Variants in HIVEP3 observed in about 807,000 individuals in gnomAD.
HIVEP3 encodes the protein HIVEP zinc finger 3.
Under a neutral mutation model 152.8 loss-of-function variants are expected in HIVEP3, and 49 were observed. The ratio of observed to expected loss-of-function variants is 0.32; its 90% CI spans 0.26 to 0.41. The LOEUF (loss-of-function observed/expected upper bound fraction) is 0.41. Ranked by LOEUF, HIVEP3 falls within the 10% of genes least tolerant of loss-of-function variation. The pLI is 1.00. For missense variants in HIVEP3, 2,790 were observed against 3,103.3 expected, an observed-to-expected ratio of 0.90 and a Z score of 2.40; for synonymous variants, 1,269 against 1,289.0, an observed-to-expected ratio of 0.98 and a Z score of 0.33.
chr1:41,545,043 A>G lies in HIVEP3; in HGVS notation c.5208-20133T>C, dbSNP rs879106922. On this transcript the variant is annotated intron_variant, in intron 5 of 8. Transcript: ENST00000372583. The stretch of plus-strand genomic sequence containing the variant: ...TACCACCACCACCACCACCAATACC[A>G]CTACCACCACCATCACTACCACCAC... 9.5e-4 allele frequency among the ~76,000 whole-genome samples: 84 copies of G among 88,396 alleles called. 3 individuals carry two copies. Among genetic ancestry groups the G allele is most frequent in the Non-Finnish European group, 1.6e-3 (58 of 35,362 alleles). The allele number at this position is 88,396 out of a possible 152,430, so 58.0% of individuals were successfully genotyped here.
At chr1:41,818,378 G>A (rs975503716) in intron 1 of HIVEP3, among the ~76,000 whole-genome samples, 1 of 152,154 alleles carries the variant, frequency 6.6e-6, no homozygotes, top group Non-Finnish European at 1.5e-5. Flanking sequence ...GGATTCAGCC[G>A]TTCTGGAAAA....
At chr1:41,725,023 T>C (rs957589507) in intron 1 of HIVEP3, among the ~76,000 whole-genome samples, 5 of 152,234 alleles carry the variant, frequency 3.3e-5, no homozygotes, top group Non-Finnish European at 5.9e-5. Flanking sequence ...ACCAGCTGTT[T>C]GTTTTCCTAC....
chr1:41,689,660 C>A (rs1216421914), intron 2 of HIVEP3, among the ~76,000 whole-genome samples: 1 of 152,332 alleles, frequency 6.6e-6, no homozygotes, highest in East Asian at 1.9e-4. Context: ...TATGTGTGGG[C>A]ATCTGAGTAG....
At chr1:41,693,306 A>G (rs939128909) in intron 2 of HIVEP3, among the ~76,000 whole-genome samples, 1 of 152,222 alleles carries the variant, frequency 6.6e-6, no homozygotes, top group African/African-American at 2.4e-5. Flanking sequence ...CCCACTAAAC[A>G]GTGCTCCAGT....
chr1:41,563,384 G>C (rs1343399900), intron 5 of HIVEP3, among the ~76,000 whole-genome samples: 1 of 151,818 alleles, frequency 6.6e-6, no homozygotes, highest in Non-Finnish European at 1.5e-5. Flanking sequence ...AAAAAATAGT[G>C]GGGAGGAAGT....
At chr1:41,556,042 A>G (rs1270771791) in intron 5 of HIVEP3, among the ~76,000 whole-genome samples, 1 of 152,212 alleles carries the variant, frequency 6.6e-6, no homozygotes, top group Non-Finnish European at 1.5e-5. Flanking sequence ...CCATCAGTGG[A>G]CACTGGGGTT....
intron 6 of HIVEP3, among the ~76,000 whole-genome samples, chr1:41,523,291 GGGGTGGGTGGGGAGTCCTGGGC>G (rs970732600): frequency 1.3e-5 from 2 of 152,228 alleles, no homozygotes; most frequent in African/African-American, 4.8e-5. Flanking sequence ...AAGCACCCAT[GGGGTGGGTGGGGAGTCCTGGGC>G]CAATGTGCCC....
Position 41,513,051 on chromosome 1 carries a change from C to T in HIVEP3, c.6170G>A (p.Gly2057Asp). ...PRAHVLSKLE[G>D]TTDPGLPRYS... ...TCTGGGGAGGCCTGGGTCGGTGGTACCCTCGAGTTTGGAGAGCACATGTGC... is the reference window on the plus strand; with the variant it reads ...TCTGGGGAGGCCTGGGTCGGTGGTATCCTCGAGTTTGGAGAGCACATGTGC... The change falls in exon 8 of 9, where the codon GGT (glycine) becomes GAT (aspartate). Residue 2057 changes from glycine to aspartate, a missense_variant. Around this residue, in one of 9 missense-constraint regions of HIVEP3, gnomAD observed 816 missense variants for 806.5 expected, o/e 1.01. Coordinates refer to ENST00000372583, the MANE Select transcript of HIVEP3 (RefSeq NM_024503.5). 1 of 1,613,824 alleles carries T rather than the reference C, an allele frequency of 6.2e-7. No individual in the cohort carries two copies. The highest frequency in any genetic ancestry group is 8.5e-7 in the Non-Finnish European group (1 of 1,179,978).
intron 1 of HIVEP3, among the ~76,000 whole-genome samples, chr1:41,728,486 G>C (rs1401504298): frequency 6.6e-6 from 1 of 152,102 alleles, no homozygotes; most frequent in Non-Finnish European, 1.5e-5. Flanking sequence ...GGGAGTAAGG[G>C]GGGGTGAAAT....
intron 1 of HIVEP3, among the ~76,000 whole-genome samples, chr1:41,966,012 C>G (rs1017282058): frequency 1.3e-5 from 2 of 152,134 alleles, no homozygotes; most frequent in East Asian, 3.9e-4. Context: ...GGAAGCCCAT[C>G]AGACTAACAG....
intron 1 of HIVEP3, among the ~76,000 whole-genome samples, chr1:41,900,611 C>G (rs1644604799): frequency 6.6e-6 from 1 of 152,120 alleles, no homozygotes; most frequent in African/African-American, 2.4e-5. Context: ...AGATCTCTTC[C>G]AAATTTCCCA....
At chr1:41,903,262 T>C (rs1289291549) in intron 1 of HIVEP3, among the ~76,000 whole-genome samples, 1 of 152,168 alleles carries the variant, frequency 6.6e-6, no homozygotes, top group Non-Finnish European at 1.5e-5. Context: ...AACAGATCTA[T>C]GGAGGTCACA....
At chr1:41,514,570 C>T (rs772645410) in intron 7 of HIVEP3, among the ~76,000 whole-genome samples, 16 of 152,220 alleles carry the variant, frequency 1.1e-4, no homozygotes, top group South Asian at 2.1e-4. Context: ...ATCCCAGCCA[C>T]GCTCTTATCT....
chr1:41,994,901 G>GA (rs1457629812), intron 1 of HIVEP3, among the ~76,000 whole-genome samples: 6 of 149,318 alleles, frequency 4.0e-5, no homozygotes, highest in East Asian at 2.0e-4. Context: ...GAAACTAAAA[G>GA]AAAAAAAAGG....
intron 1 of HIVEP3, among the ~76,000 whole-genome samples, chr1:41,890,499 G>A (rs1314100529): frequency 6.6e-6 from 1 of 152,220 alleles, no homozygotes; most frequent in Non-Finnish European, 1.5e-5. Context: ...GTAGATTCAT[G>A]TGCAGGTTTG....
intron 2 of HIVEP3, among the ~76,000 whole-genome samples, chr1:41,653,000 C>T (rs1645574590): frequency 6.7e-6 from 1 of 149,868 alleles, no homozygotes; most frequent in Non-Finnish European, 1.5e-5. Context: ...ATTTGCATGC[C>T]ATTTTTCTTC....
intron 1 of HIVEP3, among the ~76,000 whole-genome samples, chr1:41,766,980 C>T (rs1209935810): frequency 1.3e-5 from 2 of 152,184 alleles, no homozygotes; most frequent in African/African-American, 4.8e-5. Flanking sequence ...TACTCTACAC[C>T]AACCCGCACT....
chr1:41,557,671 C>T (rs1643988460), intron 5 of HIVEP3, among the ~76,000 whole-genome samples: 1 of 151,800 alleles, frequency 6.6e-6, no homozygotes, highest in Admixed American at 6.6e-5. Flanking sequence ...TCGTCTCTCT[C>T]CAGGGGTGGG....
chr1:41,787,486 T>C (rs1322052023), intron 1 of HIVEP3, among the ~76,000 whole-genome samples: 1 of 151,994 alleles, frequency 6.6e-6, no homozygotes, highest in Non-Finnish European at 1.5e-5. Flanking sequence ...AGTTTTCACA[T>C]GGCTTCATTG....
Sources: allele counts gnomAD v4.1 joint callset (sites outside exome capture counted in the v4.1 genomes callset), GRCh38; gene constraint gnomAD v4.1.1; regional missense constraint gnomAD v4.1.1; transcripts MANE v1.5; gene names NCBI Gene and HGNC (gene_info 2026-07-23, HGNC 2026-07-21).